Variants in PACS1 observed in about 807,000 individuals in gnomAD.
PACS1 encodes phosphofurin acidic cluster sorting protein 1, also known as PACS-1.
A neutral mutation model predicts 115.0 loss-of-function variants in PACS1; 24 were observed. The ratio of observed to expected loss-of-function variants is 0.21; its 90% confidence interval spans 0.15 to 0.29. PACS1 has a LOEUF of 0.29. Among genes scored for constraint, PACS1 ranks in the 10% least tolerant of loss-of-function variants. PACS1 has a pLI of 1.00. For missense variants in PACS1, 838 were observed against 1,251.2 expected (o/e 0.67, Z 4.98); for synonymous variants, 453 against 504.5 (o/e 0.90, Z 1.37).
At chr11:66,137,293 A>G (rs1858868936) in intron 1 of PACS1, among the ~76,000 whole-genome samples, 1 of 151,952 alleles carries the variant, frequency 6.6e-6, no homozygotes, top group South Asian at 2.1e-4. Flanking sequence ...TAAATCTTTT[A>G]TGCATCTAGA....
Position 66,216,546 on chromosome 11 carries a change from T to A in PACS1, c.832T>A (p.Ser278Thr). Residue 278 changes from serine (S) to threonine (T), a missense_variant, in exon 6 of 24, where the codon TCT becomes ACT. Coordinates refer to ENST00000320580, the MANE Select transcript of PACS1 (RefSeq NM_018026.4). ...SDRSPDIDNY[S>T]EEEEESFSSE... ...TCGTTCTCCTGATATTGACAATTAT[T>A]CTGAGGAAGAGGAAGAGAGTTTCTC... The A allele has an allele frequency of 6.2e-7, 1 of 1,614,100 alleles. No individual in the cohort carries two copies. The highest frequency in any genetic ancestry group is 1.1e-5 in the South Asian group (1 of 91,086).
At chr11:66,172,914 T>C (rs1299097016) in intron 1 of PACS1, among the ~76,000 whole-genome samples, 1 of 149,330 alleles carries the variant, frequency 6.7e-6, no homozygotes, top group Non-Finnish European at 1.5e-5. Flanking sequence ...AGGCGGAGGT[T>C]GTAGTGAGCT....
chr11:66,207,165 C>T (rs115148070), intron 2 of PACS1, among the ~76,000 whole-genome samples: 87 of 152,252 alleles, frequency 5.7e-4, no homozygotes, highest in African/African-American at 2.0e-3. Flanking sequence ...AACAAAACCT[C>T]GATACCATTA....
chr11:66,142,322 T>G (rs1859010708), intron 1 of PACS1, among the ~76,000 whole-genome samples: 1 of 152,140 alleles, frequency 6.6e-6, no homozygotes, highest in Admixed American at 6.6e-5. Context: ...AATTTTAATT[T>G]TTATTTTTTT....
At chr11:66,172,811 A>G (rs963262735) in intron 1 of PACS1, among the ~76,000 whole-genome samples, 6 of 152,190 alleles carry the variant, frequency 3.9e-5, no homozygotes, top group African/African-American at 1.4e-4. Context: ...CCCCGTCTCT[A>G]CTAAACATAC....
intron 1 of PACS1, among the ~76,000 whole-genome samples, chr11:66,162,840 C>T (rs1376157126): frequency 1.3e-5 from 2 of 152,112 alleles, no homozygotes; most frequent in Non-Finnish European, 2.9e-5. Context: ...AAATTTTATC[C>T]GCAGTAAATG....
intron 1 of PACS1, among the ~76,000 whole-genome samples, chr11:66,092,756 C>T (rs1857690418): frequency 6.6e-6 from 1 of 152,066 alleles, no homozygotes; most frequent in Non-Finnish European, 1.5e-5. Context: ...GCCAGTTTTC[C>T]CAGCACCATT....
chr11:66,239,363 G>A, intron 21 of PACS1, 86 bp downstream of exon 21: 1 of 1,485,086 alleles, frequency 6.7e-7, no homozygotes. Context: ...GGGCTTAGAA[G>A]GTAGCCACAG....
At chr11:66,142,595 A>AG (rs1233612856) in intron 1 of PACS1, among the ~76,000 whole-genome samples, 12 of 149,754 alleles carry the variant, frequency 8.0e-5, no homozygotes, top group Non-Finnish European at 1.8e-4. Context: ...GGCGTGAGGC[A>AG]CTGCGTCTGG....
At chr11:66,185,227 T>C (rs1340838495) in intron 1 of PACS1, among the ~76,000 whole-genome samples, 1 of 152,224 alleles carries the variant, frequency 6.6e-6, no homozygotes, top group African/African-American at 2.4e-5. Flanking sequence ...GACTTCCAAA[T>C]GGAGTTTTAA....
chr11:66,224,469 T>C (rs1337162364), intron 10 of PACS1, among the ~76,000 whole-genome samples: 1 of 152,224 alleles, frequency 6.6e-6, no homozygotes, highest in East Asian at 1.9e-4. Flanking sequence ...GTGTGCCTGA[T>C]TGACTTACTG....
In PACS1 at chr11:66,233,705, C is replaced by T. The variant is rs1379211080; in HGVS notation, c.1839-80C>T. 7.0e-7 allele frequency: 1 copy of T among 1,421,386 alleles called. No individual in the cohort carries two copies. The highest frequency in any genetic ancestry group is 1.4e-5 in the African/African-American group (1 of 69,812). 88.0% of individuals were successfully genotyped at this position (1,421,386 alleles called of 1,614,324 possible). Reference sequence around the variant, plus strand: ...TTTCCCCTGTGGGTTGTTGAGATCACAGAAAGTCAGCTCTGGGCCTCCCCC... The same window carrying T: ...TTTCCCCTGTGGGTTGTTGAGATCATAGAAAGTCAGCTCTGGGCCTCCCCC... On this transcript the variant is annotated intron_variant, in intron 15 of 23. Coordinates refer to ENST00000320580, the MANE Select transcript of PACS1 (RefSeq NM_018026.4). The surrounding 1 kb of genome is among the most constrained non-coding windows in gnomAD (Gnocchi z 4.5).
chr11:66,086,179 C>T (rs1169595007), intron 1 of PACS1, among the ~76,000 whole-genome samples: 3 of 149,926 alleles, frequency 2.0e-5, no homozygotes, highest in African/African-American at 7.4e-5. Context: ...GCTCTGTCGC[C>T]CAGGCTGGAG....
In PACS1 at chr11:66,236,838, T is replaced by C. The variant is rs2134745382; in HGVS notation, c.2250+898T>C. 6.6e-6 allele frequency among the ~76,000 whole-genome samples: 1 copy of C among 152,286 alleles called. No homozygotes were observed. Among genetic ancestry groups the C allele is most frequent in the South Asian group, 2.1e-4 (1 of 4,826 alleles). ...GTGCAATGGCACAATCTCAGCTCACTGCAACCTCTGCCTCCTGGGTTCAAG... is the reference window on the plus strand; with the variant it reads ...GTGCAATGGCACAATCTCAGCTCACCGCAACCTCTGCCTCCTGGGTTCAAG... On this transcript the variant is annotated intron_variant, in intron 19 of 23. Coordinates refer to ENST00000320580, the MANE Select transcript of PACS1 (RefSeq NM_018026.4). This position sits in a 1 kb window ranked among gnomAD's most constrained non-coding sequence, Gnocchi z 4.2.
chr11:66,236,046 A>T lies in PACS1; in HGVS notation c.2250+106A>T. 1 of 1,094,836 alleles carries T rather than the reference A, an allele frequency of 9.1e-7. No homozygotes were observed. The highest frequency in any genetic ancestry group is 1.4e-6 in the Non-Finnish European group (1 of 708,002). 67.8% of individuals were successfully genotyped at this position (1,094,836 alleles called of 1,614,324 possible). Reference sequence around the variant, plus strand: ...TTCATCTAGAACAGTGGTTCTCCAGACACTGGAGATTTTGCCTCCAGGGAC... The same window carrying T: ...TTCATCTAGAACAGTGGTTCTCCAGTCACTGGAGATTTTGCCTCCAGGGAC... On this transcript the variant is annotated intron_variant, in intron 19 of 23. Coordinates refer to ENST00000320580, the MANE Select transcript of PACS1 (RefSeq NM_018026.4). This position sits in a 1 kb window ranked among gnomAD's most constrained non-coding sequence, Gnocchi z 4.2.
At chr11:66,194,458 A>T (rs995530367) in intron 2 of PACS1, among the ~76,000 whole-genome samples, 3 of 152,216 alleles carry the variant, frequency 2.0e-5, no homozygotes, top group African/African-American at 7.2e-5. Flanking sequence ...TAAGGAAAAG[A>T]GAAGGGAAAA....
chr11:66,080,845 C>T (rs1024307068), intron 1 of PACS1, among the ~76,000 whole-genome samples: 1 of 152,116 alleles, frequency 6.6e-6, no homozygotes, highest in Non-Finnish European at 1.5e-5. Context: ...GGTTCTGGAG[C>T]CAGTCAGGTC....
intron 1 of PACS1, among the ~76,000 whole-genome samples, chr11:66,104,286 G>A (rs557531062): frequency 2.0e-5 from 3 of 152,284 alleles, no homozygotes; most frequent in East Asian, 1.9e-4. Context: ...TGTCAGTCAC[G>A]GCAGAGGTAA....
intron 1 of PACS1, among the ~76,000 whole-genome samples, chr11:66,071,054 C>T (rs1857300479): frequency 6.6e-6 from 1 of 152,170 alleles, no homozygotes; most frequent in African/African-American, 2.4e-5. Flanking sequence ...CGGGACCACC[C>T]TTCTGTCCTC....
Sources: gnomAD v4.1 joint callset for allele counts (sites outside exome capture counted in the v4.1 genomes callset) on GRCh38, gnomAD v4.1.1 for gene constraint, Gnocchi (gnomAD v3.1) non-coding constraint, MANE v1.5 for transcripts, NCBI Gene and HGNC (gene_info 2026-07-23, HGNC 2026-07-21) for gene names.